Variants in KAZN observed in about 807,000 individuals in gnomAD.
KAZN encodes kazrin.
Under a neutral mutation model 87.4 loss-of-function variants are expected in KAZN, and 40 were observed. The ratio of observed to expected loss-of-function variants is 0.46; its 90% CI spans 0.36 to 0.60. The LOEUF (loss-of-function observed/expected upper bound fraction) is 0.60. KAZN is among the 20% of genes least tolerant of loss of function. The pLI is 0.00. For missense variants in KAZN, 898 were observed against 1,073.9 expected (o/e 0.84, Z 2.29); for synonymous variants, 466 against 458.3 (o/e 1.02, Z -0.22).
At chr1:14,942,700 G>C (rs1661237153) in intron 1 of KAZN, among the ~76,000 whole-genome samples, 1 of 152,178 alleles carries the variant, frequency 6.6e-6, no homozygotes, top group African/African-American at 2.4e-5. Context: ...TTTTGCCCCT[G>C]GGCTTGTGCC....
intron 1 of KAZN, among the ~76,000 whole-genome samples, chr1:14,764,934 G>A (rs1236439002): frequency 6.6e-6 from 1 of 152,228 alleles, no homozygotes; most frequent in Non-Finnish European, 1.5e-5. Context: ...ATGAGATTCA[G>A]AGAAGCCACA....
chr1:14,372,312 G>A (rs1660554491), intron 2 of KAZN, among the ~76,000 whole-genome samples: 1 of 152,200 alleles, frequency 6.6e-6, no homozygotes, highest in African/African-American at 2.4e-5. Context: ...AAAGAATGCT[G>A]ACTTGTGTTA....
intron 1 of KAZN, among the ~76,000 whole-genome samples, chr1:14,161,213 G>A (rs1416633): frequency 0.19 from 29,252 of 152,208 alleles, 3,479 homozygotes; most frequent in South Asian, 0.34. Context: ...TGCTGTATAA[G>A]AAATTACATC....
At chr1:14,887,869 T>C (rs1006837476) in intron 1 of KAZN, among the ~76,000 whole-genome samples, 2 of 151,082 alleles carry the variant, frequency 1.3e-5, no homozygotes, top group African/African-American at 4.9e-5. Flanking sequence ...CATGCCCCCC[T>C]CTCTCTCTCG....
chr1:14,343,406 G>C (rs577865803), intron 2 of KAZN, among the ~76,000 whole-genome samples: 2 of 152,178 alleles, frequency 1.3e-5, no homozygotes, highest in African/African-American at 4.8e-5. Flanking sequence ...TGAAACGCTT[G>C]ACTGCAGAAG....
intron 1 of KAZN, among the ~76,000 whole-genome samples, chr1:14,845,793 T>C (rs1205562680): frequency 6.6e-6 from 1 of 152,096 alleles, no homozygotes; most frequent in African/African-American, 2.4e-5. Flanking sequence ...ATGGAAAATA[T>C]CTGTGAGGGA....
chr1:14,254,587 A>T (rs1428420240), intron 2 of KAZN, among the ~76,000 whole-genome samples: 1 of 152,150 alleles, frequency 6.6e-6, no homozygotes, highest in East Asian at 1.9e-4. Flanking sequence ...ATAAATTATG[A>T]TGTCCGCCCA....
At chr1:14,419,252 C>T (rs1041030085) in intron 2 of KAZN, among the ~76,000 whole-genome samples, 7 of 152,150 alleles carry the variant, frequency 4.6e-5, no homozygotes, top group African/African-American at 1.7e-4. Context: ...TAAACTGAAG[C>T]CCAGAGAAAT....
intron 1 of KAZN, among the ~76,000 whole-genome samples, chr1:14,711,174 C>A (rs1642466374): frequency 6.6e-6 from 1 of 152,088 alleles, no homozygotes; most frequent in South Asian, 2.1e-4. Flanking sequence ...GCCTGGGGGA[C>A]AAAGCCAGAC....
chr1:14,643,564 G>A (rs1680571866), intron 1 of KAZN, among the ~76,000 whole-genome samples: 1 of 152,184 alleles, frequency 6.6e-6, no homozygotes, highest in African/African-American at 2.4e-5. Flanking sequence ...TATCCAGTCT[G>A]TCAATGATGG....
chr1:14,648,943 C>T (rs10927479), intron 1 of KAZN, among the ~76,000 whole-genome samples: 32,340 of 152,122 alleles, frequency 0.21, 3,562 homozygotes, highest in South Asian at 0.27. Context: ...GTTTGGTGCA[C>T]CCAGTTCTTT....
chr1:14,657,654 C>T (rs915578024), intron 1 of KAZN, among the ~76,000 whole-genome samples: 1 of 152,114 alleles, frequency 6.6e-6, no homozygotes, highest in Non-Finnish European at 1.5e-5. Context: ...GTCATGAAGA[C>T]TGGGGGCTCT....
At chr1:14,142,433 T>C (rs1394796231) in intron 1 of KAZN, among the ~76,000 whole-genome samples, 1 of 152,252 alleles carries the variant, frequency 6.6e-6, no homozygotes, top group Non-Finnish European at 1.5e-5. Flanking sequence ...TCAATGTTAT[T>C]GCACCTACCT....
intron 2 of KAZN, among the ~76,000 whole-genome samples, chr1:14,292,831 C>G (rs1188833203): frequency 1.3e-5 from 2 of 152,198 alleles, no homozygotes; most frequent in Non-Finnish European, 2.9e-5. Context: ...CCTCCAACCC[C>G]CTGAAGCTGA....
intron 1 of KAZN, among the ~76,000 whole-genome samples, chr1:14,866,409 A>G (rs1651465689): frequency 6.6e-6 from 1 of 152,102 alleles, no homozygotes; most frequent in African/African-American, 2.4e-5. Flanking sequence ...CTGTCCCTGG[A>G]GCCTGGCATG....
At chr1:13,938,275 T>G (rs898067112) in intron 1 of KAZN, among the ~76,000 whole-genome samples, 2 of 152,174 alleles carry the variant, frequency 1.3e-5, no homozygotes, top group African/African-American at 2.4e-5. Flanking sequence ...AGGCACTTTC[T>G]TTTTAGCTAT....
chr1:14,425,282 C>T (rs1199180521), intron 2 of KAZN, among the ~76,000 whole-genome samples: 1 of 152,196 alleles, frequency 6.6e-6, no homozygotes, highest in Non-Finnish European at 1.5e-5. Flanking sequence ...CAGGAAGCTC[C>T]TGCCATAGCT....
intron 2 of KAZN, among the ~76,000 whole-genome samples, chr1:14,430,418 G>T (rs557568134): frequency 6.6e-6 from 1 of 152,026 alleles, no homozygotes; most frequent in Non-Finnish European, 1.5e-5. Flanking sequence ...AAGATTTATC[G>T]AAAGAAATTA....
chr1:14,004,117 A>C (rs1391096611), intron 1 of KAZN, among the ~76,000 whole-genome samples: 2 of 150,760 alleles, frequency 1.3e-5, no homozygotes, highest in East Asian at 3.9e-4. Context: ...AAAAAAAAGC[A>C]AATGTCCAAC....
Sources: allele counts gnomAD v4.1 joint callset (sites outside exome capture counted in the v4.1 genomes callset), GRCh38; gene constraint gnomAD v4.1.1; transcripts MANE v1.5; gene names NCBI Gene and HGNC (gene_info 2026-07-23, HGNC 2026-07-21).